FBXL18: variants seen among roughly 807,000 people sequenced by gnomAD.
FBXL18 encodes the protein F-box/LRR-repeat protein 18.
A neutral mutation model predicts 46.0 loss-of-function variants in FBXL18; 36 were observed. That is an observed-to-expected ratio of 0.78 (90% CI 0.60 to 1.03). The LOEUF (loss-of-function observed/expected upper bound fraction) is 1.03. Among genes scored for constraint, FBXL18 ranks in the 50% least tolerant of loss-of-function variants. The pLI, the probability that FBXL18 is intolerant of heterozygous loss-of-function variation, is 0.00. For synonymous variants in FBXL18, 557 were observed against 465.3 expected (o/e 1.20, Z -2.54); for missense variants, 977 against 1,004.1 (o/e 0.97, Z 0.36).
downstream of FBXL18, among the ~76,000 whole-genome samples, chr7:5,473,066 C>T (rs1444069673): frequency 6.6e-6 from 1 of 152,110 alleles, no homozygotes; most frequent in Admixed American, 6.6e-5. Flanking sequence ...CACCCACTGC[C>T]CAATTCCCCA....
At chr7:5,467,546 CAA>C (rs1257961042) in intron 4 of FBXL18, among the ~76,000 whole-genome samples, 19 of 119,150 alleles carry the variant, frequency 1.6e-4, no homozygotes, top group Non-Finnish European at 1.6e-4. Flanking sequence ...ACTCCGTCTC[CAA>C]AAAAAAAAAA....
intron 3 of FBXL18, among the ~76,000 whole-genome samples, chr7:5,493,642 T>G (rs533430056): frequency 6.8e-6 from 1 of 147,838 alleles, no homozygotes; most frequent in East Asian, 2.0e-4. Flanking sequence ...CATGAGAGAC[T>G]GGTTATTTAC....
intron 1 of FBXL18, among the ~76,000 whole-genome samples, chr7:5,510,293 ACT>A (rs1784496947): frequency 7.4e-6 from 1 of 134,464 alleles, no homozygotes; most frequent in Admixed American, 8.2e-5. Context: ...AAAGAGTAAG[ACT>A]CTGTCTCAAA....
intron 4 of FBXL18, 21 bp from the exon 5 acceptor site, chr7:5,481,952 C>A: frequency 6.3e-7 from 1 of 1,584,534 alleles, no homozygotes; most frequent in South Asian, 1.2e-5. Flanking sequence ...GACAGGCGGT[C>A]AGCGGATTAC....
Position 5,501,482 on chromosome 7 carries a change from G to C in FBXL18, c.787C>G (p.His263Asp). 6.2e-7 allele frequency: 1 copy of C among 1,613,912 alleles called. No homozygotes were observed. The highest frequency in any genetic ancestry group is 8.5e-7 in the Non-Finnish European group (1 of 1,180,028). ...VLSDRTPQNL[H>D]AFLISVPGSF... ...CCAGGGACGGAGATGAGGAAGGCGT[G>C]GAGGTTCTGAGGAGTGCGGTCGCTA... Residue 263 changes from histidine (H) to aspartate (D), a missense_variant, in exon 3 of 5, where the codon CAC (histidine) becomes GAC (aspartate). His to Asp is a moderately conservative substitution (Grantham distance 81). Coordinates refer to ENST00000382368, the MANE Select transcript of FBXL18 (RefSeq NM_024963.6).
intron 4 of FBXL18, among the ~76,000 whole-genome samples, chr7:5,464,473 C>T (rs1230670684): frequency 6.6e-6 from 1 of 151,686 alleles, no homozygotes; most frequent in African/African-American, 2.4e-5. Context: ...GAGCAAGACT[C>T]CATCTCGAAA....
intron 4 of FBXL18, among the ~76,000 whole-genome samples, chr7:5,464,920 G>A (rs371272878): frequency 2.2e-4 from 34 of 151,698 alleles, no homozygotes; most frequent in South Asian, 6.3e-4. Flanking sequence ...AAAATTAGCC[G>A]GTTGTGGTGG....
At position 5,455,171 on chromosome 7, in the gene FBXL18, G is replaced by T. The variant is rs1233497589; in HGVS notation, c.2001-7328C>A. On this transcript the variant is annotated intron_variant and NMD_transcript_variant, in intron 4 of 6. Coordinates refer to the FBXL18 transcript ENST00000415009. The surrounding 1 kb of genome is among the most constrained non-coding windows in gnomAD (Gnocchi z 4.6). ...GGCACTACTGGGGAGGACTCTTGGG[G>T]ATTATCTTGAGAGCACTCTCAGAGG... 6.6e-6 allele frequency among the ~76,000 whole-genome samples: 1 copy of T among 152,142 alleles called. No homozygotes were observed. The highest frequency in any genetic ancestry group is 1.9e-4 in the East Asian group (1 of 5,178).
chr7:5,497,969 G>T (rs565272242), intron 3 of FBXL18, among the ~76,000 whole-genome samples: 30 of 151,996 alleles, frequency 2.0e-4, no homozygotes, highest in Non-Finnish European at 3.5e-4. Flanking sequence ...AGAGACACCA[G>T]CTCACTCATC....
chr7:5,464,760 T>TAAA (rs11440747), intron 4 of FBXL18, among the ~76,000 whole-genome samples: 3 of 133,744 alleles, frequency 2.2e-5, no homozygotes, highest in African/African-American at 2.8e-5. Context: ...GTTTGGATAT[T>TAAA]AAAAAAAAAA....
At chr7:5,510,066 C>A (rs1391972629) in intron 1 of FBXL18, among the ~76,000 whole-genome samples, 4 of 152,044 alleles carry the variant, frequency 2.6e-5, no homozygotes, top group African/African-American at 9.7e-5. Flanking sequence ...CTTTGGGAGG[C>A]TGAGGCAGGC....
At chr7:5,506,763 G>C (rs1784405662) in intron 1 of FBXL18, among the ~76,000 whole-genome samples, 1 of 152,132 alleles carries the variant, frequency 6.6e-6, no homozygotes, top group Non-Finnish European at 1.5e-5. Flanking sequence ...TGCCCTGTTG[G>C]TCAGGCTGGT....
chr7:5,483,961 T>C (rs777727225), intron 4 of FBXL18, among the ~76,000 whole-genome samples: 2 of 152,014 alleles, frequency 1.3e-5, no homozygotes, highest in South Asian at 2.1e-4. Flanking sequence ...ACAGAGTCAA[T>C]AGCAGAAAGG....
intron 4 of FBXL18, among the ~76,000 whole-genome samples, chr7:5,461,674 C>T (rs1287586197): frequency 6.6e-6 from 1 of 152,128 alleles, no homozygotes; most frequent in Non-Finnish European, 1.5e-5. Flanking sequence ...GGCGCAGTGG[C>T]TCATGCCTGT....
At chr7:5,513,535 G>A (rs1178639151) in intron 1 of FBXL18, 122 bp downstream of exon 1, 2 of 1,129,892 alleles carry the variant, frequency 1.8e-6, no homozygotes, top group East Asian at 2.5e-5. Flanking sequence ...AGGATGGGAA[G>A]GACGGGGCGG....
intron 4 of FBXL18, among the ~76,000 whole-genome samples, chr7:5,463,407 G>T (rs1783286497): frequency 6.6e-6 from 1 of 151,708 alleles, no homozygotes; most frequent in Non-Finnish European, 1.5e-5. Flanking sequence ...ATCACTTGAG[G>T]CCAGGAGCTC....
At chr7:5,459,807 G>A (rs1252739120) in intron 4 of FBXL18, among the ~76,000 whole-genome samples, 1 of 152,092 alleles carries the variant, frequency 6.6e-6, no homozygotes, top group Non-Finnish European at 1.5e-5. Flanking sequence ...CAGCTACTCG[G>A]GAGGATGAGG....
intron 4 of FBXL18, among the ~76,000 whole-genome samples, chr7:5,464,953 C>T (rs1419964312): frequency 6.6e-6 from 1 of 151,326 alleles, no homozygotes; most frequent in Admixed American, 6.6e-5. Context: ...ATCTCAGCTA[C>T]TCGGGAGGCT....
chr7:5,464,856 G>C lies in FBXL18; in HGVS notation c.2001-17013C>G, dbSNP rs140803301. On this transcript the variant is annotated intron_variant and NMD_transcript_variant, in intron 4 of 6. Coordinates refer to the FBXL18 transcript ENST00000415009. ...AGGTGGGCAAATCACCAGAGGTTAGGAGTTTGAGACCAGCCTGGACAACAC... is the reference window on the plus strand; with the variant it reads ...AGGTGGGCAAATCACCAGAGGTTAGCAGTTTGAGACCAGCCTGGACAACAC... Among the ~76,000 whole-genome samples the C allele has an allele frequency of 3.2e-3, 490 of 151,650 alleles. 3 individuals are homozygous for C. Among genetic ancestry groups the C allele is most frequent in the African/African-American group, 0.011 (462 of 41,408 alleles).
Sources: allele counts gnomAD v4.1 joint callset (sites outside exome capture counted in the v4.1 genomes callset), GRCh38; gene constraint gnomAD v4.1.1; non-coding constraint Gnocchi (gnomAD v3.1); transcripts MANE v1.5; gene names NCBI Gene and HGNC (gene_info 2026-07-23, HGNC 2026-07-21).